The following OR51B5 variants were observed in gnomAD, a reference collection of about 807,000 sequenced individuals.
OR51B5 encodes the protein olfactory receptor family 51 subfamily B member 5.
For synonymous variants in OR51B5, 186 were observed against 144.8 expected, an observed-to-expected ratio of 1.28 and a Z score of -2.04; for missense variants, 456 against 374.6, an observed-to-expected ratio of 1.22 and a Z score of -1.79.
chr11:5,504,651 CTTTAA>C (rs1465146690), intron 1 of OR51B5, among the ~76,000 whole-genome samples: 1 of 152,198 alleles, frequency 6.6e-6, no homozygotes, highest in Non-Finnish European at 1.5e-5. Flanking sequence ...CCTGTGACAT[CTTTAA>C]TTTGATTTGT....
intron 1 of OR51B5, among the ~76,000 whole-genome samples, chr11:5,371,921 C>T (rs1849453980): frequency 6.6e-6 from 1 of 152,050 alleles, no homozygotes; most frequent in Non-Finnish European, 1.5e-5. Context: ...TTTCTTTCTT[C>T]CCCTTTTTAC....
At chr11:5,364,134 G>T (rs79140377) in intron 1 of OR51B5, among the ~76,000 whole-genome samples, 4,687 of 152,220 alleles carry the variant, frequency 0.031, 238 homozygotes, top group African/African-American at 0.11. Flanking sequence ...CAACACTAAA[G>T]AAAGAGTAAA....
At chr11:5,505,131 T>C (rs1846353227) in intron 1 of OR51B5, among the ~76,000 whole-genome samples, 1 of 152,188 alleles carries the variant, frequency 6.6e-6, no homozygotes, top group African/African-American at 2.4e-5. Context: ...TTTGTTTTGT[T>C]TTTGCTTTTT....
At chr11:5,453,497 G>T (rs564251258) in intron 1 of OR51B5, 3 of 1,548,910 alleles carry the variant, frequency 1.9e-6, no homozygotes, top group Non-Finnish European at 2.6e-6. Flanking sequence ...CTATGGGGTT[G>T]TTCAATGTCA....
chr11:5,422,752 G>C, intron 1 of OR51B5: 1 of 1,614,100 alleles, frequency 6.2e-7, no homozygotes, highest in African/African-American at 1.3e-5. Context: ...GCCTCCACCA[G>C]GATATGATCC....
chr11:5,449,986 C>T (rs1850819502), intron 1 of OR51B5, among the ~76,000 whole-genome samples: 1 of 152,118 alleles, frequency 6.6e-6, no homozygotes, highest in South Asian at 2.1e-4. Context: ...TCTTTCTGCC[C>T]CCATAACAGC....
Position 5,342,945 on chromosome 11 carries a change from G to A in OR51B5, c.580C>T (p.Arg194Ter), listed in dbSNP as rs112127098. The change falls in exon 1 of 1, where the codon CGA (arginine) becomes TGA (stop). Residue 194 changes from arginine to a stop codon, truncating the protein, a stop_gained. Coordinates refer to ENST00000300773, the Ensembl canonical transcript of OR51B5. LOFTEE classifies it low-confidence loss of function (END_TRUNC). ...ACTACAAGCACAGCTGGGTACAGTC[G>A]GTTGAAGGTGGTATCAGCACAGGCG... 4.3e-5 allele frequency: 69 copies of A among 1,613,648 alleles called. No homozygotes were observed. Among genetic ancestry groups the A allele is most frequent in the South Asian group, 3.2e-4 (29 of 91,008 alleles).
chr11:5,387,194 A>G (rs1013852946), intron 1 of OR51B5, among the ~76,000 whole-genome samples: 1 of 152,204 alleles, frequency 6.6e-6, no homozygotes, highest in Non-Finnish European at 1.5e-5. Flanking sequence ...CACAAAAATC[A>G]GAAGAGAACC....
intron 1 of OR51B5, among the ~76,000 whole-genome samples, chr11:5,432,848 T>C (rs922057808): frequency 6.6e-6 from 1 of 152,126 alleles, no homozygotes; most frequent in African/African-American, 2.4e-5. Flanking sequence ...ACTATGGAGA[T>C]GAGAGTAAAC....
intron 1 of OR51B5, among the ~76,000 whole-genome samples, chr11:5,475,775 T>G (rs1325103723): frequency 1.3e-5 from 2 of 152,216 alleles, no homozygotes; most frequent in Non-Finnish European, 2.9e-5. Flanking sequence ...GGCATACAAC[T>G]AATATTTTTG....
chr11:5,363,793 T>C (rs1168612646), intron 1 of OR51B5, among the ~76,000 whole-genome samples: 1 of 152,168 alleles, frequency 6.6e-6, no homozygotes, highest in Non-Finnish European at 1.5e-5. Flanking sequence ...AGGGACCATA[T>C]GCAATACATC....
At chr11:5,454,693 G>C (rs372543641) in intron 1 of OR51B5, 1 of 274,494 alleles carries the variant, frequency 3.6e-6, no homozygotes, top group South Asian at 1.1e-4. Context: ...TTTAAGCTAG[G>C]AATTATTTTC....
At position 5,454,082 on chromosome 11, in the gene OR51B5, T is replaced by C. The variant is rs373615091; in HGVS notation, n.84+51487A>G. On this transcript the variant is annotated intron_variant and non_coding_transcript_variant, in intron 1 of 4. Coordinates refer to the OR51B5 transcript ENST00000415970. ...CTGATATCAGTATCAACAGCATCTA[T>C]GGACTCTTTGTTCTTGTATCCACCT... 4.2e-5 allele frequency: 68 copies of C among 1,614,102 alleles called. 1 individual carries two copies. The highest frequency in any genetic ancestry group is 1.6e-4 in the Middle Eastern group (1 of 6,084).
At chr11:5,455,573 G>GAT (rs1564819307) in intron 1 of OR51B5, 1 of 148,482 alleles carries the variant, frequency 6.7e-6, no homozygotes, top group Non-Finnish European at 1.5e-5. Flanking sequence ...GGGAGAGAGA[G>GAT]AGAGAAAGAG....
rs865992666 is a variant in OR51B5, at chr11:5,390,287, C to G, written n.85-43377G>C. ...GGCCAATGTCTACCTTTTTGTGCCT[C>G]CCATGCTTAACCCAATCATATACAG... On this transcript the variant is annotated intron_variant and non_coding_transcript_variant, in intron 1 of 4. Transcript: ENST00000415970. 3 of 1,613,936 alleles carry G rather than the reference C, an allele frequency of 1.9e-6. No homozygotes were observed. In the East Asian group the frequency reaches 6.7e-5, roughly 36 times the overall value.
rs58932839 is a variant in OR51B5 at position 5,475,877 on chromosome 11, T to C, written n.84+29692A>G. ...ACACACATGGTAGGGTACATGTGAC[T>C]AGCATACACCTATTCAACCTATGTT... On this transcript the variant is annotated intron_variant and non_coding_transcript_variant, in intron 1 of 4. Transcript: ENST00000415970. 3.6e-3 allele frequency among the ~76,000 whole-genome samples: 542 copies of C among 151,084 alleles called. 2 individuals are homozygous for C. Among genetic ancestry groups the C allele is most frequent in the African/African-American group, 0.013 (519 of 41,366 alleles).
At chr11:5,425,054 T>C (rs1850427965) in intron 1 of OR51B5, among the ~76,000 whole-genome samples, 1 of 111,026 alleles carries the variant, frequency 9.0e-6, no homozygotes. Context: ...CTACATCCTT[T>C]CCTCATGTTT....
intron 1 of OR51B5, among the ~76,000 whole-genome samples, chr11:5,384,393 C>G (rs7937872): frequency 1.2e-3 from 184 of 152,306 alleles, no homozygotes; most frequent in African/African-American, 4.2e-3. Flanking sequence ...AGGGTTCTCA[C>G]AGAATCTCTT....
intron 1 of OR51B5, among the ~76,000 whole-genome samples, chr11:5,465,311 T>C (rs1379725625): frequency 0.011 from 1,683 of 151,134 alleles, 30 homozygotes; most frequent in African/African-American, 0.038. Context: ...TGGTGTGAGA[T>C]GATATCTCAT....
Sources: allele counts gnomAD v4.1 joint callset (sites outside exome capture counted in the v4.1 genomes callset), GRCh38; gene constraint gnomAD v4.1.1; transcripts MANE v1.5; gene names NCBI Gene and HGNC (gene_info 2026-07-23, HGNC 2026-07-21).